CFAP77: variants seen among roughly 807,000 people sequenced by gnomAD.
CFAP77 encodes the protein cilia- and flagella-associated protein 77.
A neutral mutation model predicts 31.1 loss-of-function variants in CFAP77; 25 were observed. The observed-to-expected ratio is 0.80, with a 90% confidence interval of 0.59 to 1.12. CFAP77 has a LOEUF of 1.12. Ranked by LOEUF, CFAP77 falls within the 50% of genes most tolerant of loss-of-function variation. The pLI, the probability that CFAP77 is intolerant of heterozygous loss-of-function variation, is 0.00. For synonymous variants in CFAP77, 151 were observed against 159.9 expected, an observed-to-expected ratio of 0.94 and a Z score of 0.42; for missense variants, 377 against 397.3, an observed-to-expected ratio of 0.95 and a Z score of 0.44.
chr9:132,538,008 AC>A (rs1409498291), intron 4 of CFAP77, among the ~76,000 whole-genome samples: 1 of 152,044 alleles, frequency 6.6e-6, no homozygotes, highest in African/African-American at 2.4e-5. Context: ...CTACCTCGGG[AC>A]CCTTCCCACC....
At chr9:132,413,303 G>A (rs1850040502) in intron 1 of CFAP77, among the ~76,000 whole-genome samples, 1 of 152,116 alleles carries the variant, frequency 6.6e-6, no homozygotes, top group Non-Finnish European at 1.5e-5. Flanking sequence ...GAAAAACTGA[G>A]ACATCCAAGC....
intron 1 of CFAP77, among the ~76,000 whole-genome samples, chr9:132,477,969 G>C (rs1564218989): frequency 6.6e-6 from 1 of 152,140 alleles, no homozygotes; most frequent in East Asian, 1.9e-4. Context: ...AAGTCCAAAT[G>C]TTTGCAATTT....
In CFAP77 at chr9:132,443,529, A is replaced by G. The variant is rs546536781; in HGVS notation, c.195+33063A>G. ...CGGCTTCCCAAAGTGTTGGGATTAC[A>G]GGGATGAGCCACTGCACCCGGCCAG... On this transcript the variant is annotated intron_variant, in intron 1 of 5. Coordinates refer to ENST00000393216, the MANE Select transcript of CFAP77 (RefSeq NM_001282957.2). Among the ~76,000 whole-genome samples, 9 of 152,308 alleles carry G rather than the reference A, an allele frequency of 5.9e-5. No homozygotes were observed. In the South Asian group the frequency reaches 1.9e-3, roughly 32 times the overall value.
intron 1 of CFAP77, among the ~76,000 whole-genome samples, chr9:132,448,692 T>G (rs1459317724): frequency 6.6e-6 from 1 of 152,210 alleles, no homozygotes; most frequent in Non-Finnish European, 1.5e-5. Flanking sequence ...GTTCAAGCGA[T>G]TCTCCTGCCT....
In CFAP77 at chr9:132,410,246, G is replaced by C. The variant is rs573843296; in HGVS notation, c.-26G>C. The C allele has an allele frequency of 4.3e-5, 66 of 1,526,828 alleles. No individual in the cohort carries two copies. The South Asian group carries it at 6.6e-4, about 15-fold the overall frequency. 94.6% of individuals were successfully genotyped at this position (1,526,828 alleles called of 1,614,324 possible). On this transcript the variant is annotated 5_prime_UTR_variant, in exon 1 of 6. Transcript: ENST00000393216. ...GGGAAGCGCGCCCAAACCAGCCCGC[G>C]GGCCGGCTCCCCGGCGACCTCAAGG...
At chr9:132,569,728 C>CTTT (rs558402201) in intron 5 of CFAP77, among the ~76,000 whole-genome samples, 156 of 98,470 alleles carry the variant, frequency 1.6e-3, no homozygotes, top group Middle Eastern at 7.9e-3. Context: ...TCTAGCTGCC[C>CTTT]TTTTTTTTTT....
intron 5 of CFAP77, among the ~76,000 whole-genome samples, chr9:132,551,595 C>T (rs112403022): frequency 0.028 from 4,284 of 152,258 alleles, 81 homozygotes; most frequent in Middle Eastern, 0.088. Flanking sequence ...CACGCCCGGC[C>T]CAAGCCTGGG....
chr9:132,418,797 C>T (rs559158934), intron 1 of CFAP77, among the ~76,000 whole-genome samples: 1 of 152,358 alleles, frequency 6.6e-6, no homozygotes, highest in South Asian at 2.1e-4. Flanking sequence ...CTTTGTTTCC[C>T]TGGTGCACCA....
intron 1 of CFAP77, among the ~76,000 whole-genome samples, chr9:132,473,003 T>C (rs1178221811): frequency 6.6e-6 from 1 of 152,156 alleles, no homozygotes; most frequent in Non-Finnish European, 1.5e-5. Context: ...GGCACCGGCA[T>C]CTGCTCAGCT....
At chr9:132,532,800 A>G (rs561042667) in intron 3 of CFAP77, among the ~76,000 whole-genome samples, 5 of 152,222 alleles carry the variant, frequency 3.3e-5, no homozygotes, top group African/African-American at 1.2e-4. Context: ...TGTGATCCCA[A>G]CATTTTGGGA....
chr9:132,439,601 C>T (rs1053346731), intron 1 of CFAP77, among the ~76,000 whole-genome samples: 2 of 152,014 alleles, frequency 1.3e-5, no homozygotes, highest in African/African-American at 4.8e-5. Context: ...AATCCCAGCA[C>T]TTTGGGAGGC....
At chr9:132,416,859 A>G (rs1034338634) in intron 1 of CFAP77, among the ~76,000 whole-genome samples, 1 of 151,324 alleles carries the variant, frequency 6.6e-6, no homozygotes, top group Non-Finnish European at 1.5e-5. Context: ...GCTGGTCCGA[A>G]CTCCTGACCT....
chr9:132,458,136 G>T (rs1223277262), intron 1 of CFAP77, among the ~76,000 whole-genome samples: 1 of 152,244 alleles, frequency 6.6e-6, no homozygotes, highest in Non-Finnish European at 1.5e-5. Context: ...TGCGGTGCGT[G>T]TGAGATCCGG....
At position 132,565,429 on chromosome 9, in the gene CFAP77, A is replaced by T. The variant is rs1829873558; in HGVS notation, c.733-6959A>T. Among the ~76,000 whole-genome samples the T allele has an allele frequency of 6.6e-6, 1 of 152,092 alleles. No homozygotes were observed. The highest frequency in any genetic ancestry group is 1.5e-5 in the Non-Finnish European group (1 of 68,032). On this transcript the variant is annotated intron_variant, in intron 5 of 5. Coordinates refer to ENST00000393216, the MANE Select transcript of CFAP77 (RefSeq NM_001282957.2). The surrounding 1 kb of genome is among the most constrained non-coding windows in gnomAD (Gnocchi z 4.1). ...TGGATCACCTGAGGTCAGGAGTTCC[A>T]GAGCAGCCTGGCTAACATGGTAAAA...
intron 5 of CFAP77, among the ~76,000 whole-genome samples, chr9:132,568,116 A>G (rs918447235): frequency 7.9e-5 from 12 of 152,184 alleles, no homozygotes; most frequent in Non-Finnish European, 1.5e-4. Context: ...ATGAAGAGCC[A>G]TGGGCACCCA....
rs139008147 is a variant in CFAP77 at position 132,458,357 on chromosome 9, G to GGGGGGGGGGGGT, written c.196-40337_196-40336insGGGGGGGGGGTG. Among the ~76,000 whole-genome samples the GGGGGGGGGGGGT allele has an allele frequency of 4.1e-4, 49 of 119,082 alleles. 1 individual carries two copies. The highest frequency in any genetic ancestry group is 4.8e-4 in the African/African-American group (15 of 31,018). The allele number at this position is 119,082 out of a possible 152,430, so 78.1% of individuals were successfully genotyped here. A position where few individuals can be genotyped will look rare whatever the true frequency, so the allele number is the denominator to read the frequency against. ...GTCTCCCTGGCGGGGGAGGGGGGGG[G>GGGGGGGGGGGGT]GTGTGTATGGAAGGCTCAGCTCATC... is the stretch of plus-strand genomic sequence containing the variant. On this transcript the variant is annotated intron_variant, in intron 1 of 5. Coordinates refer to ENST00000393216, the MANE Select transcript of CFAP77 (RefSeq NM_001282957.2).
At chr9:132,469,044 C>T (rs1467873960) in intron 1 of CFAP77, among the ~76,000 whole-genome samples, 1 of 148,950 alleles carries the variant, frequency 6.7e-6, no homozygotes, top group Non-Finnish European at 1.5e-5. Flanking sequence ...TGGCCACTTC[C>T]ATCTTTATAA....
chr9:132,456,206 G>A (rs191484457), intron 1 of CFAP77, among the ~76,000 whole-genome samples: 37 of 152,290 alleles, frequency 2.4e-4, no homozygotes, highest in Middle Eastern at 3.4e-3. Context: ...AGGTAGCATC[G>A]CTTATAGTAA....
chr9:132,470,771 T>G (rs1229744898), intron 1 of CFAP77, among the ~76,000 whole-genome samples: 1 of 152,126 alleles, frequency 6.6e-6, no homozygotes, highest in East Asian at 1.9e-4. Context: ...CACTTTGGGA[T>G]GCCAAGGTGG....
Sources: allele counts gnomAD v4.1 joint callset (sites outside exome capture counted in the v4.1 genomes callset), GRCh38; gene constraint gnomAD v4.1.1; non-coding constraint Gnocchi (gnomAD v3.1); transcripts MANE v1.5; gene names NCBI Gene and HGNC (gene_info 2026-07-23, HGNC 2026-07-21).